PRKCE: variants seen among roughly 807,000 people sequenced by gnomAD.
PRKCE encodes the protein protein kinase C epsilon, also known as protein kinase C epsilon type.
In PRKCE, 16 loss-of-function variants were observed where a neutral mutation model predicts 85.4. The observed-to-expected ratio is 0.19, with a 90% confidence interval of 0.13 to 0.28. The LOEUF (loss-of-function observed/expected upper bound fraction) is 0.28, where lower values mean the gene tolerates loss of function less well. Ranked by LOEUF, PRKCE falls within the 10% of genes least tolerant of loss-of-function variation. The pLI is 1.00. For synonymous variants in PRKCE, 388 were observed against 371.5 expected (o/e 1.04, Z -0.51); for missense variants, 573 against 975.2 (o/e 0.59, Z 5.49).
At chr2:45,921,822 A>G (rs1472861343) in intron 2 of PRKCE, among the ~76,000 whole-genome samples, 1 of 152,152 alleles carries the variant, frequency 6.6e-6, no homozygotes, top group Non-Finnish European at 1.5e-5. Context: ...TACAGAAAGG[A>G]CTCAATACAT....
In PRKCE at chr2:45,714,144, A is replaced by G. The variant is rs1284384585; in HGVS notation, c.348+61696A>G. On this transcript the variant is annotated intron_variant, in intron 1 of 14. Transcript: ENST00000306156. ...CACTGTGCTAAGTAGTGGCTGTTTA[A>G]TGGCAGACACGATAGGCATGGCCCC... 3.3e-5 allele frequency among the ~76,000 whole-genome samples: 5 copies of G among 152,362 alleles called. No individual in the cohort carries two copies. The East Asian group carries it at 9.6e-4, about 29-fold the overall frequency.
At chr2:45,666,197 G>A (rs1242774029) in intron 1 of PRKCE, among the ~76,000 whole-genome samples, 1 of 152,108 alleles carries the variant, frequency 6.6e-6, no homozygotes, top group Non-Finnish European at 1.5e-5. Context: ...TCCCATTTAA[G>A]CTCCAGGTGC....
Position 46,184,638 on chromosome 2 carries a change from T to C in PRKCE, c.2068-97T>C. ...GTCTGTTGGTAGCTAGAGGCCTGCT[T>C]TGGTGACAGGCTGGTCAGTGCGGTG... On this transcript the variant is annotated intron_variant, in intron 14 of 14. Coordinates refer to ENST00000306156, the MANE Select transcript of PRKCE (RefSeq NM_005400.3). This position sits in a 1 kb window ranked among gnomAD's most constrained non-coding sequence, Gnocchi z 5.0. 1 of 1,464,386 alleles carries C rather than the reference T, an allele frequency of 6.8e-7. No individual in the cohort carries two copies. The highest frequency in any genetic ancestry group is 9.2e-7 in the Non-Finnish European group (1 of 1,089,496). The allele number at this position is 1,464,386 out of a possible 1,614,324, so 90.7% of individuals were successfully genotyped here. A position where few individuals can be genotyped will look rare whatever the true frequency, so the allele number is the denominator to read the frequency against.
chr2:45,999,004 C>T (rs1046084122), intron 6 of PRKCE, among the ~76,000 whole-genome samples: 4 of 152,120 alleles, frequency 2.6e-5, no homozygotes, highest in African/African-American at 9.7e-5. Flanking sequence ...TCATTACTAT[C>T]ATTTATTTCA....
chr2:45,746,583 A>C (rs1215776880), intron 1 of PRKCE, among the ~76,000 whole-genome samples: 3 of 152,180 alleles, frequency 2.0e-5, no homozygotes, highest in African/African-American at 4.8e-5. Flanking sequence ...CCTCACTGAA[A>C]TGTGGATAGT....
At chr2:45,940,892 C>G (rs760830352) in intron 2 of PRKCE, among the ~76,000 whole-genome samples, 1 of 104,116 alleles carries the variant, frequency 9.6e-6, no homozygotes, top group Non-Finnish European at 1.9e-5. Flanking sequence ...AACCCCATCT[C>G]TATTAAAAAT....
At chr2:45,712,136 C>CTT (rs1679699397) in intron 1 of PRKCE, among the ~76,000 whole-genome samples, 1 of 92,716 alleles carries the variant, frequency 1.1e-5, no homozygotes, top group Non-Finnish European at 2.2e-5. Context: ...TACGGCCTGT[C>CTT]CTTTTTTTTT....
intron 1 of PRKCE, among the ~76,000 whole-genome samples, chr2:45,731,915 G>A (rs72884491): frequency 6.6e-6 from 1 of 152,106 alleles, no homozygotes; most frequent in Non-Finnish European, 1.5e-5. Flanking sequence ...AATTCCTGGA[G>A]CTTTTTACTG....
intron 1 of PRKCE, among the ~76,000 whole-genome samples, chr2:45,753,253 G>A (rs540439763): frequency 3.5e-4 from 53 of 152,264 alleles, no homozygotes; most frequent in African/African-American, 1.1e-3. Context: ...TTCTGATTAA[G>A]GAGGGCTTGG....
chr2:45,769,976 T>G (rs564213486), intron 1 of PRKCE, among the ~76,000 whole-genome samples: 215 of 152,374 alleles, frequency 1.4e-3, no homozygotes, highest in Non-Finnish European at 1.9e-3. Context: ...CACCCCGTAC[T>G]GTCACTCACA....
At chr2:46,109,323 T>C (rs552300450) in intron 11 of PRKCE, among the ~76,000 whole-genome samples, 2 of 152,314 alleles carry the variant, frequency 1.3e-5, no homozygotes, top group South Asian at 4.1e-4. Context: ...TTCTAATCCA[T>C]GAACATGAAA....
intron 1 of PRKCE, among the ~76,000 whole-genome samples, chr2:45,804,972 C>G (rs900331846): frequency 1.7e-5 from 2 of 119,864 alleles, no homozygotes; most frequent in African/African-American, 3.2e-5. Context: ...TGCATTTGCT[C>G]TATGTTCTGT....
At chr2:46,141,798 C>T (rs1215154825) in intron 11 of PRKCE, among the ~76,000 whole-genome samples, 1 of 152,100 alleles carries the variant, frequency 6.6e-6, no homozygotes, top group Non-Finnish European at 1.5e-5. Flanking sequence ...AGTTGTCCCT[C>T]TTTGCAAAGC....
At chr2:46,143,241 A>G (rs958753816) in intron 11 of PRKCE, among the ~76,000 whole-genome samples, 1 of 152,172 alleles carries the variant, frequency 6.6e-6, no homozygotes, top group Non-Finnish European at 1.5e-5. Flanking sequence ...TCCCACACAT[A>G]AAGAAGCATC....
intron 2 of PRKCE, among the ~76,000 whole-genome samples, chr2:45,917,905 G>T (rs918914466): frequency 6.7e-5 from 8 of 120,250 alleles, no homozygotes; most frequent in Non-Finnish European, 1.3e-4. Context: ...CTCCGCAGCC[G>T]CTGGCCCGGT....
chr2:45,924,727 C>T (rs1698487657), intron 2 of PRKCE, among the ~76,000 whole-genome samples: 1 of 152,220 alleles, frequency 6.6e-6, no homozygotes. Flanking sequence ...TACTGGCCTA[C>T]ACAGTGCTGA....
At chr2:45,932,436 A>G (rs1255210688) in intron 2 of PRKCE, among the ~76,000 whole-genome samples, 1 of 152,154 alleles carries the variant, frequency 6.6e-6, no homozygotes, top group East Asian at 1.9e-4. Flanking sequence ...TAGGAGTAGC[A>G]TTGCTGAGTC....
chr2:45,988,119 G>C (rs939076045), intron 6 of PRKCE, among the ~76,000 whole-genome samples: 2 of 152,212 alleles, frequency 1.3e-5, no homozygotes, highest in African/African-American at 4.8e-5. Flanking sequence ...CAGGCTTTCT[G>C]TCTTGCTGGA....
chr2:45,721,827 T>C (rs1212799934), intron 1 of PRKCE, among the ~76,000 whole-genome samples: 2 of 151,168 alleles, frequency 1.3e-5, no homozygotes, highest in Admixed American at 1.3e-4. Context: ...CAGTGAGCTA[T>C]GATCATGCCA....
Sources: allele counts gnomAD v4.1 joint callset (sites outside exome capture counted in the v4.1 genomes callset), GRCh38; gene constraint gnomAD v4.1.1; non-coding constraint Gnocchi (gnomAD v3.1); transcripts MANE v1.5; gene names NCBI Gene and HGNC (gene_info 2026-07-23, HGNC 2026-07-21).